Variants in CNTNAP5 observed in about 807,000 individuals in gnomAD.
The protein encoded by CNTNAP5 is contactin-associated protein-like 5.
A neutral mutation model predicts 150.2 loss-of-function variants in CNTNAP5; 72 were observed. The observed-to-expected ratio is 0.48, with a 90% confidence interval of 0.40 to 0.58. CNTNAP5 has a LOEUF of 0.58. Ranked by LOEUF, CNTNAP5 falls within the 20% of genes least tolerant of loss-of-function variation. CNTNAP5 has a pLI of 0.00. For missense variants in CNTNAP5, 1,636 were observed against 1,626.2 expected (o/e 1.01, Z -0.10); for synonymous variants, 672 against 619.8 (o/e 1.08, Z -1.25).
intron 2 of CNTNAP5, among the ~76,000 whole-genome samples, chr2:124,222,829 T>C (rs2163249): frequency 0.47 from 71,951 of 151,570 alleles, 17,612 homozygotes; most frequent in East Asian, 0.64. Context: ...TTTTTGCTTG[T>C]ATGTTTGTTT....
At chr2:124,422,177 C>G (rs6727886) in intron 4 of CNTNAP5, among the ~76,000 whole-genome samples, 63,554 of 152,080 alleles carry the variant, frequency 0.42, 14,933 homozygotes, top group South Asian at 0.56. Context: ...TTTTCATAAT[C>G]TGTTGTAGTT....
At chr2:124,471,108 A>G (rs1693503774) in intron 6 of CNTNAP5, among the ~76,000 whole-genome samples, 1 of 152,118 alleles carries the variant, frequency 6.6e-6, no homozygotes, top group Non-Finnish European at 1.5e-5. Context: ...TTTCATTAAG[A>G]ATGTCAGTGG....
At chr2:124,438,547 A>G (rs1692593729) in intron 5 of CNTNAP5, among the ~76,000 whole-genome samples, 1 of 152,224 alleles carries the variant, frequency 6.6e-6, no homozygotes, top group Non-Finnish European at 1.5e-5. Flanking sequence ...GACTCCTAGA[A>G]TAGAACAAAC....
At chr2:124,029,609 T>C (rs1680989133) in intron 1 of CNTNAP5, among the ~76,000 whole-genome samples, 1 of 152,118 alleles carries the variant, frequency 6.6e-6, no homozygotes, top group Non-Finnish European at 1.5e-5. Flanking sequence ...CCTTGCTTTA[T>C]TTTTGTTCTA....
chr2:124,904,189 T>C (rs572623565), intron 22 of CNTNAP5, among the ~76,000 whole-genome samples: 11 of 152,244 alleles, frequency 7.2e-5, no homozygotes, highest in African/African-American at 2.4e-4. Flanking sequence ...TCTATGAGTT[T>C]GACTTTTTTA....
rs550700381 is a variant in CNTNAP5, at chr2:124,295,882, C to T, written c.381+53489C>T. ...CTGACTTTGATTGATTTTCACTCAA[C>T]CTTTTTCCAAGAGGTAATCATCTGC... On this transcript the variant is annotated intron_variant, in intron 3 of 23. Coordinates refer to ENST00000682447, the MANE Select transcript of CNTNAP5 (RefSeq NM_001367498.1). Among the ~76,000 whole-genome samples, 3 of 152,230 alleles carry T rather than the reference C, an allele frequency of 2.0e-5. No homozygotes were observed. In the South Asian group the frequency reaches 6.2e-4, roughly 32 times the overall value.
intron 3 of CNTNAP5, among the ~76,000 whole-genome samples, chr2:124,401,430 G>C (rs1366127371): frequency 6.6e-6 from 1 of 152,098 alleles, no homozygotes; most frequent in Non-Finnish European, 1.5e-5. Context: ...GTACTAAGTG[G>C]CTCAGACACT....
chr2:124,599,007 C>T (rs1696909303), intron 11 of CNTNAP5, among the ~76,000 whole-genome samples: 1 of 152,078 alleles, frequency 6.6e-6, no homozygotes, highest in South Asian at 2.1e-4. Flanking sequence ...TCGGCTCACG[C>T]ACGGTGCGCA....
intron 6 of CNTNAP5, among the ~76,000 whole-genome samples, chr2:124,459,349 C>A (rs781763527): frequency 6.6e-6 from 1 of 152,168 alleles, no homozygotes; most frequent in Non-Finnish European, 1.5e-5. Flanking sequence ...CTGTGGGAGG[C>A]CACCATGTTT....
At chr2:124,221,281 T>C (rs1686303393) in intron 1 of CNTNAP5, among the ~76,000 whole-genome samples, 2 of 152,256 alleles carry the variant, frequency 1.3e-5, no homozygotes. Context: ...GAACTGAAGA[T>C]GGGAGAGTAG....
rs1681236768 is a variant in CNTNAP5, at chr2:124,772,944, C to A, written c.2679C>A (p.Asn893Lys). ...NLKETSLQVD[N>K]LPRSTRETSE... ...AGGAGACCTCCCTGCAGGTGGACAACCTTCCAAGGAGCACCAGGGAGACGT... is the reference window on the plus strand; with the variant it reads ...AGGAGACCTCCCTGCAGGTGGACAAACTTCCAAGGAGCACCAGGGAGACGT... Residue 893 changes from asparagine (N) to lysine (K), a missense_variant, in exon 17 of 24, where the codon AAC becomes AAA. Transcript: ENST00000682447. 1 of 1,613,718 alleles carries A rather than the reference C, an allele frequency of 6.2e-7. No homozygotes were observed. The highest frequency in any genetic ancestry group is 8.5e-7 in the Non-Finnish European group (1 of 1,179,724).
rs1678725097 is a variant in CNTNAP5 at position 124,914,609 on chromosome 2, A to G, written c.*321A>G. ...TCTGTACTTCCAGTTTCTAAAATGCACTGTTCAGTTTTCCAACCACTTGGT... is the reference window on the plus strand; with the variant it reads ...TCTGTACTTCCAGTTTCTAAAATGCGCTGTTCAGTTTTCCAACCACTTGGT... On this transcript the variant is annotated 3_prime_UTR_variant, in exon 24 of 24. Coordinates refer to ENST00000682447, the MANE Select transcript of CNTNAP5 (RefSeq NM_001367498.1). The G allele has an allele frequency of 4.8e-6, 1 of 207,198 alleles. No homozygotes were observed. The highest frequency in any genetic ancestry group is 9.7e-6 in the Non-Finnish European group (1 of 102,660). The allele number at this position is 207,198 out of a possible 1,614,324, so 12.8% of individuals were successfully genotyped here. A position where few individuals can be genotyped will look rare whatever the true frequency, so the allele number is the denominator to read the frequency against.
intron 3 of CNTNAP5, among the ~76,000 whole-genome samples, chr2:124,271,570 C>T (rs780033): frequency 0.3 from 44,934 of 151,956 alleles, 7,225 homozygotes; most frequent in Admixed American, 0.38. Context: ...ATCAGGGTCT[C>T]TCTGAAGTTA....
chr2:124,655,805 G>A (rs1678431472), intron 13 of CNTNAP5, among the ~76,000 whole-genome samples: 1 of 151,726 alleles, frequency 6.6e-6, no homozygotes, highest in Non-Finnish European at 1.5e-5. Flanking sequence ...AGAGGCTGAA[G>A]TGGAAGGATT....
chr2:124,180,969 A>G (rs1429134787), intron 1 of CNTNAP5, among the ~76,000 whole-genome samples: 2 of 151,930 alleles, frequency 1.3e-5, no homozygotes. Context: ...GGTCAGAGAT[A>G]CCCAAGGCCA....
chr2:124,146,758 A>T (rs564167446), intron 1 of CNTNAP5, among the ~76,000 whole-genome samples: 6 of 152,336 alleles, frequency 3.9e-5, no homozygotes, highest in African/African-American at 1.4e-4. Flanking sequence ...TTGTTGTTTT[A>T]GTTTAAAAGT....
intron 1 of CNTNAP5, among the ~76,000 whole-genome samples, chr2:124,155,967 G>A (rs188010054): frequency 6.6e-6 from 1 of 152,328 alleles, no homozygotes; most frequent in African/African-American, 2.4e-5. Flanking sequence ...CTCCACTGGA[G>A]ATAATGTGCG....
chr2:124,598,500 T>C (rs1025662445), intron 11 of CNTNAP5, among the ~76,000 whole-genome samples: 9 of 139,336 alleles, frequency 6.5e-5, no homozygotes, highest in African/African-American at 2.4e-4. Context: ...AGTCTGCCCA[T>C]TCTCAGATCT....
At chr2:124,542,041 C>T (rs942154136) in intron 10 of CNTNAP5, among the ~76,000 whole-genome samples, 2 of 151,932 alleles carry the variant, frequency 1.3e-5, no homozygotes, top group Non-Finnish European at 2.9e-5. Context: ...GGGTTTGCCT[C>T]ATATATCTCT....
Sources: gnomAD v4.1 joint callset for allele counts (sites outside exome capture counted in the v4.1 genomes callset) on GRCh38, gnomAD v4.1.1 for gene constraint, MANE v1.5 for transcripts, NCBI Gene and HGNC (gene_info 2026-07-23, HGNC 2026-07-21) for gene names.